The following PCMTD1 variants were observed in gnomAD, a reference collection of about 807,000 sequenced individuals.
PCMTD1 encodes protein-L-isoaspartate O-methyltransferase domain-containing protein 1.
In PCMTD1, 12 loss-of-function variants were observed where a neutral mutation model predicts 37.6. The ratio of observed to expected loss-of-function variants is 0.32; its 90% CI spans 0.20 to 0.52. The LOEUF (loss-of-function observed/expected upper bound fraction) is 0.52, where lower values mean the gene tolerates loss of function less well. Among genes scored for constraint, PCMTD1 ranks in the 20% least tolerant of loss-of-function variants. PCMTD1 has a pLI of 0.97. For missense variants in PCMTD1, 235 were observed against 421.3 expected (o/e 0.56, Z 3.87); for synonymous variants, 117 against 135.8 (o/e 0.86, Z 0.96).
At chr8:51,876,929 G>A (rs1288878935) in intron 1 of PCMTD1, among the ~76,000 whole-genome samples, 1 of 152,124 alleles carries the variant, frequency 6.6e-6, no homozygotes, top group African/African-American at 2.4e-5. Context: ...ATTTGGTGAG[G>A]AACAGGATTA....
chr8:51,835,173 T>C (rs2038051953), intron 3 of PCMTD1, among the ~76,000 whole-genome samples: 1 of 152,190 alleles, frequency 6.6e-6, no homozygotes, highest in African/African-American at 2.4e-5. Context: ...ACAGGAACCA[T>C]CACACAGTGT....
At chr8:51,893,182 A>G (rs2038958775) in intron 1 of PCMTD1, among the ~76,000 whole-genome samples, 1 of 152,200 alleles carries the variant, frequency 6.6e-6, no homozygotes, top group Non-Finnish European at 1.5e-5. Flanking sequence ...TCTTCCCATC[A>G]CCAAGATATC....
intron 1 of PCMTD1, among the ~76,000 whole-genome samples, chr8:51,872,611 T>G (rs1262362477): frequency 1.3e-5 from 2 of 152,180 alleles, no homozygotes; most frequent in Admixed American, 6.5e-5. Context: ...ACAACACACA[T>G]TTTCAGCTCC....
At chr8:51,898,715 C>T (rs879554930) in intron 1 of PCMTD1, among the ~76,000 whole-genome samples, 7 of 151,942 alleles carry the variant, frequency 4.6e-5, no homozygotes, top group Admixed American at 4.6e-4. Flanking sequence ...CTCCCAAGTC[C>T]TCCGCCCCCG....
At chr8:51,895,432 C>A (rs1352485049) in intron 1 of PCMTD1, among the ~76,000 whole-genome samples, 1 of 152,116 alleles carries the variant, frequency 6.6e-6, no homozygotes, top group African/African-American at 2.4e-5. Context: ...GTGTTTTATG[C>A]AAATTAGTTT....
intron 2 of PCMTD1, among the ~76,000 whole-genome samples, chr8:51,846,065 AGAATAGTATTT>A (rs1268101303): frequency 1.2e-4 from 18 of 152,244 alleles, no homozygotes; most frequent in Admixed American, 1.2e-3. Flanking sequence ...AACTGCCAAA[AGAATAGTATTT>A]CTAAGTGAAG....
At chr8:51,845,617 C>G (rs1363095878) in intron 3 of PCMTD1, 44 bp downstream of exon 3, 1 of 1,335,112 alleles carries the variant, frequency 7.5e-7, no homozygotes, top group Non-Finnish European at 1.1e-6. Context: ...TTGCATGTAT[C>G]TATTAAGTGA....
chr8:51,831,011 T>C (rs1363947565), intron 5 of PCMTD1, among the ~76,000 whole-genome samples: 3 of 137,756 alleles, frequency 2.2e-5, no homozygotes, highest in East Asian at 2.1e-4. Context: ...AAAAAAAAAA[T>C]TGAGGCCCAG....
intron 1 of PCMTD1, among the ~76,000 whole-genome samples, chr8:51,890,853 C>T (rs1400438793): frequency 6.6e-6 from 1 of 152,180 alleles, no homozygotes; most frequent in Admixed American, 6.5e-5. Context: ...AAAATGCAAG[C>T]ACTCACATTT....
chr8:51,868,489 C>T (rs2038591905), intron 1 of PCMTD1, among the ~76,000 whole-genome samples: 1 of 152,066 alleles, frequency 6.6e-6, no homozygotes, highest in African/African-American at 2.4e-5. Flanking sequence ...GCTTTGGCAT[C>T]AAGGTTTGCG....
chr8:51,866,975 T>C (rs1585833087), intron 1 of PCMTD1, among the ~76,000 whole-genome samples: 3 of 152,134 alleles, frequency 2.0e-5, no homozygotes, highest in East Asian at 3.9e-4. Context: ...TGATAAGGGA[T>C]TAAGATTCAA....
intron 3 of PCMTD1, among the ~76,000 whole-genome samples, chr8:51,836,271 GCTAATT>G (rs2038064702): frequency 6.6e-6 from 1 of 152,152 alleles, no homozygotes; most frequent in Non-Finnish European, 1.5e-5. Flanking sequence ...TTAAAATGTG[GCTAATT>G]CAAGTTTAGA....
chr8:51,877,509 A>G (rs1204887089), intron 1 of PCMTD1, among the ~76,000 whole-genome samples: 2 of 152,262 alleles, frequency 1.3e-5, no homozygotes, highest in Non-Finnish European at 2.9e-5. Flanking sequence ...AACATAAAGT[A>G]CATTAATTTT....
Position 51,841,886 on chromosome 8 carries a change from GT to G in PCMTD1, c.410+3774del, listed in dbSNP as rs558281155. 5.3e-5 allele frequency among the ~76,000 whole-genome samples: 8 copies of G among 152,280 alleles called. No homozygotes were observed. In the South Asian group the frequency reaches 1.2e-3, roughly 24 times the overall value. On this transcript the variant is annotated intron_variant, in intron 3 of 5. Coordinates refer to ENST00000522514, the MANE Select transcript of PCMTD1 (RefSeq NM_052937.4). The stretch of plus-strand genomic sequence containing the variant: ...CCAGACTACAGCTCGTAAACAGAGT[GT>G]TTTTGTAAATAAAATGTTACTGGAA...
intron 3 of PCMTD1, among the ~76,000 whole-genome samples, chr8:51,840,359 T>C (rs563526813): frequency 1.3e-5 from 2 of 152,280 alleles, no homozygotes; most frequent in Admixed American, 6.5e-5. Flanking sequence ...GGTTAAAACA[T>C]ATAACCGATA....
chr8:51,851,228 A>C (rs1401745247), intron 2 of PCMTD1, among the ~76,000 whole-genome samples: 1 of 152,208 alleles, frequency 6.6e-6, no homozygotes, highest in East Asian at 1.9e-4. Context: ...AGGCATCATG[A>C]AACAAGTCCT....
At chr8:51,846,488 A>G (rs2038221970) in intron 2 of PCMTD1, among the ~76,000 whole-genome samples, 1 of 152,216 alleles carries the variant, frequency 6.6e-6, no homozygotes, top group Non-Finnish European at 1.5e-5. Context: ...TACTGTACAT[A>G]CATACTAACC....
At chr8:51,885,871 A>G (rs1056727896) in intron 1 of PCMTD1, among the ~76,000 whole-genome samples, 1 of 152,216 alleles carries the variant, frequency 6.6e-6, no homozygotes, top group Non-Finnish European at 1.5e-5. Flanking sequence ...TGGAAAAACA[A>G]AAACACTTTC....
At chr8:51,885,825 C>A (rs4573264) in intron 1 of PCMTD1, among the ~76,000 whole-genome samples, 6,516 of 152,172 alleles carry the variant, frequency 0.043, 461 homozygotes, top group African/African-American at 0.14. Context: ...CAGGGGCATA[C>A]GTTGTTTGTG....
Sources: allele counts gnomAD v4.1 joint callset (sites outside exome capture counted in the v4.1 genomes callset), GRCh38; gene constraint gnomAD v4.1.1; transcripts MANE v1.5; gene names NCBI Gene and HGNC (gene_info 2026-07-23, HGNC 2026-07-21).